TBC1D1: variants seen among roughly 807,000 people sequenced by gnomAD.
TBC1D1 encodes TBC1 domain family member 1.
TBC1D1 carries 89 observed loss-of-function variants against 125.6 expected under a neutral mutation model. That is an observed-to-expected ratio of 0.71 (90% CI 0.60 to 0.85). TBC1D1 has a LOEUF of 0.85. Ranked by LOEUF, TBC1D1 falls within the 40% of genes least tolerant of loss-of-function variation. The pLI is 0.00. For missense variants in TBC1D1, 1,377 were observed against 1,469.2 expected (o/e 0.94, Z 1.03); for synonymous variants, 565 against 564.1 (o/e 1.00, Z -0.02).
At chr4:37,976,928 T>A (rs1357420229) in intron 2 of TBC1D1, among the ~76,000 whole-genome samples, 2 of 152,168 alleles carry the variant, frequency 1.3e-5, no homozygotes, top group Admixed American at 6.5e-5. Context: ...GGAACACTGG[T>A]CTTTTGTTAC....
At chr4:38,091,602 A>G (rs1316610636) in intron 13 of TBC1D1, among the ~76,000 whole-genome samples, 1 of 152,242 alleles carries the variant, frequency 6.6e-6, no homozygotes, top group African/African-American at 2.4e-5. Context: ...AATACTGGCC[A>G]ATATTCTTGC....
chr4:38,091,413 G>T (rs915100578), intron 13 of TBC1D1, among the ~76,000 whole-genome samples: 1 of 152,194 alleles, frequency 6.6e-6, no homozygotes, highest in African/African-American at 2.4e-5. Flanking sequence ...TTATGTTTTT[G>T]TGAAGGTAAT....
Position 38,035,588 on chromosome 4 carries a change from A to G in TBC1D1, c.1303A>G (p.Lys435Glu). ...CCTGTTTCTGATTTTTGTTTTAAAG[A>G]AATTGAGACCGAGAAATGAGCAGCG... The change falls in exon 8 of 20, where the codon AAA becomes GAA. Residue 435 changes from lysine to glutamate, a missense_variant and splice_region_variant. Physicochemically the swap from Lys to Glu is moderately conservative, Grantham distance 56. Coordinates refer to ENST00000261439, the MANE Select transcript of TBC1D1 (RefSeq NM_015173.4). 5.0e-6 allele frequency: 8 copies of G among 1,611,072 alleles called. No homozygotes were observed. The highest frequency in any genetic ancestry group is 6.8e-6 in the Non-Finnish European group (8 of 1,178,738).
At chr4:38,005,269 G>A (rs887477292) in intron 2 of TBC1D1, among the ~76,000 whole-genome samples, 4 of 152,196 alleles carry the variant, frequency 2.6e-5, no homozygotes, top group Admixed American at 2.0e-4. Context: ...CAAGAGCAAA[G>A]CTTACATTTT....
At chr4:38,011,839 A>C (rs2152423140) in intron 2 of TBC1D1, among the ~76,000 whole-genome samples, 1 of 152,326 alleles carries the variant, frequency 6.6e-6, no homozygotes, top group South Asian at 2.1e-4. Flanking sequence ...CCAAGTTATG[A>C]GGTATTCTTC....
chr4:38,072,670 T>G (rs1379375120), intron 12 of TBC1D1, among the ~76,000 whole-genome samples: 2 of 152,210 alleles, frequency 1.3e-5, no homozygotes, highest in African/African-American at 4.8e-5. Context: ...TATTTAAGTA[T>G]AAAGTTCAGT....
At chr4:37,891,400 G>A (rs1713202881) in intron 1 of TBC1D1, 52 bp downstream of exon 1, 1 of 152,296 alleles carries the variant, frequency 6.6e-6, no homozygotes, top group Non-Finnish European at 1.5e-5. Flanking sequence ...CTCCTCTCGG[G>A]GCGTCGCGGC....
intron 2 of TBC1D1, chr4:37,960,892 G>C: frequency 2.5e-6 from 4 of 1,614,180 alleles, no homozygotes; most frequent in Non-Finnish European, 3.4e-6. Context: ...GATGAGGAGG[G>C]AGAGCTTGAA....
chr4:37,959,085 T>C (rs9306954), intron 2 of TBC1D1, among the ~76,000 whole-genome samples: 95,550 of 152,048 alleles, frequency 0.63, 30,881 homozygotes, highest in East Asian at 0.96. Flanking sequence ...AGACTTCTAA[T>C]GATACCTTTG....
intron 2 of TBC1D1, among the ~76,000 whole-genome samples, chr4:37,924,120 C>T (rs1721590849): frequency 6.6e-6 from 1 of 152,158 alleles, no homozygotes; most frequent in African/African-American, 2.4e-5. Context: ...TTGCTGGCTC[C>T]TGCCTCAGCT....
intron 2 of TBC1D1, among the ~76,000 whole-genome samples, chr4:37,971,521 T>C (rs973528181): frequency 1.3e-5 from 2 of 152,108 alleles, no homozygotes; most frequent in African/African-American, 4.8e-5. Flanking sequence ...ATGATTCAGT[T>C]ATCTCCCACT....
intron 6 of TBC1D1, among the ~76,000 whole-genome samples, chr4:38,025,679 C>T (rs1050361925): frequency 6.6e-6 from 1 of 152,144 alleles, no homozygotes; most frequent in South Asian, 2.1e-4. Context: ...TATGATACTT[C>T]GGCTGTCAGA....
chr4:37,983,774 C>T (rs1194887645), intron 2 of TBC1D1, among the ~76,000 whole-genome samples: 2 of 152,264 alleles, frequency 1.3e-5, no homozygotes, highest in Middle Eastern at 3.4e-3. Flanking sequence ...CAAAGTCCAT[C>T]GTTTACATTA....
chr4:38,083,680 T>C (rs1224364675), intron 12 of TBC1D1, among the ~76,000 whole-genome samples: 2 of 152,354 alleles, frequency 1.3e-5, no homozygotes, highest in South Asian at 2.1e-4. Flanking sequence ...ATAACCTGTT[T>C]GAGGTTGAGT....
At chr4:37,896,656 A>C (rs994763002) in intron 1 of TBC1D1, among the ~76,000 whole-genome samples, 1 of 151,888 alleles carries the variant, frequency 6.6e-6, no homozygotes, top group African/African-American at 2.4e-5. Context: ...AAGTGTTTTC[A>C]TGAGGAAGTT....
At chr4:37,900,926 G>C (rs866089978) in intron 1 of TBC1D1, among the ~76,000 whole-genome samples, 1 of 151,962 alleles carries the variant, frequency 6.6e-6, no homozygotes, top group Middle Eastern at 3.4e-3. Context: ...ACAAAAATTA[G>C]CCAGGTGTGG....
intron 2 of TBC1D1, among the ~76,000 whole-genome samples, chr4:37,928,596 G>A (rs1370530613): frequency 6.6e-6 from 1 of 152,272 alleles, no homozygotes; most frequent in African/African-American, 2.4e-5. Context: ...AGCGCAGCCA[G>A]CCCTTGCAGT....
At chr4:38,049,577 T>G (rs754746933) in intron 10 of TBC1D1, 41 bp from the exon 11 acceptor site, 3 of 1,546,210 alleles carry the variant, frequency 1.9e-6, no homozygotes, top group Admixed American at 2.1e-5. Flanking sequence ...ATCCCACATA[T>G]TCCCCATGGT....
chr4:37,916,410 T>A (rs1719746688), intron 2 of TBC1D1, among the ~76,000 whole-genome samples: 1 of 152,102 alleles, frequency 6.6e-6, no homozygotes, highest in Non-Finnish European at 1.5e-5. Flanking sequence ...TAGAGGTGCA[T>A]CGTTTTTAGC....
Sources: allele counts gnomAD v4.1 joint callset (sites outside exome capture counted in the v4.1 genomes callset), GRCh38; gene constraint gnomAD v4.1.1; transcripts MANE v1.5; gene names NCBI Gene and HGNC (gene_info 2026-07-23, HGNC 2026-07-21).